The following MAF variants were observed in gnomAD, a reference collection of about 807,000 sequenced individuals.
MAF encodes MAF bZIP transcription factor.
In MAF, 10 loss-of-function variants were observed where a neutral mutation model predicts 22.0. The ratio of observed to expected loss-of-function variants is 0.45; its 90% CI spans 0.28 to 0.77. The LOEUF is 0.77. Among genes scored for constraint, MAF ranks in the 30% least tolerant of loss-of-function variants. The pLI, the probability that MAF is intolerant of heterozygous loss-of-function variation, is 0.12. For synonymous variants in MAF, 337 were observed against 255.8 expected (o/e 1.32, Z -3.03); for missense variants, 544 against 548.4 (o/e 0.99, Z 0.08).
chr16:79,342,675 G>C, the MAF span, among the ~76,000 whole-genome samples: 1 of 151,982 alleles, frequency 6.6e-6, no homozygotes, highest in South Asian at 2.1e-4. Flanking sequence ...ACAAAATTAA[G>C]ATCTGTTGAA....
the MAF span, among the ~76,000 whole-genome samples, chr16:79,228,128 C>A: frequency 6.6e-6 from 1 of 152,060 alleles, no homozygotes. Flanking sequence ...GTCTCCAACT[C>A]CTAGCCTCAA....
At chr16:79,266,034 TTTTCTTTTTCTTTTTC>T in the MAF span, among the ~76,000 whole-genome samples, 3 of 150,730 alleles carry the variant, frequency 2.0e-5, no homozygotes, top group Non-Finnish European at 4.4e-5. Context: ...TCTTCTTTTC[TTTTCTTTTTCTTTTTC>T]TTTTATTTCT....
At chr16:79,208,068 A>G in the MAF span, among the ~76,000 whole-genome samples, 1 of 152,196 alleles carries the variant, frequency 6.6e-6, no homozygotes, top group Non-Finnish European at 1.5e-5. Flanking sequence ...AATCTGACAG[A>G]TGATTTTTGA....
intron 1 of MAF, chr16:79,596,644 A>G: frequency 9.6e-7 from 1 of 1,038,216 alleles, no homozygotes; most frequent in East Asian, 5.8e-5. Context: ...AACTGACAAG[A>G]TTTTTTTATA....
chr16:79,538,230 G>A, the MAF span, among the ~76,000 whole-genome samples: 1 of 152,136 alleles, frequency 6.6e-6, no homozygotes, highest in Admixed American at 6.5e-5. Context: ...ATAAATAGAT[G>A]AATGAAGTAA....
downstream of MAF, among the ~76,000 whole-genome samples, chr16:79,592,343 A>G (rs1913238081): frequency 1.3e-5 from 2 of 152,132 alleles, no homozygotes; most frequent in African/African-American, 4.8e-5. Context: ...TACCCCCGCT[A>G]GGGAAAAAAA....
the MAF span, among the ~76,000 whole-genome samples, chr16:79,283,740 A>G: frequency 2.0e-5 from 3 of 152,162 alleles, no homozygotes; most frequent in Admixed American, 2.0e-4. Context: ...TCTGAAAATG[A>G]AAGTATCTGA....
At chr16:79,496,320 T>C in the MAF span, among the ~76,000 whole-genome samples, 1 of 152,146 alleles carries the variant, frequency 6.6e-6, no homozygotes, top group Admixed American at 6.5e-5. Context: ...GATGGTATTG[T>C]AACAAATAAA....
At chr16:79,437,226 G>C in the MAF span, among the ~76,000 whole-genome samples, 1 of 151,978 alleles carries the variant, frequency 6.6e-6, no homozygotes, top group Non-Finnish European at 1.5e-5. Flanking sequence ...CATGCTGTAA[G>C]GAAACCAAAT....
the MAF span, among the ~76,000 whole-genome samples, chr16:79,418,477 G>T: frequency 7.2e-5 from 11 of 152,216 alleles, no homozygotes; most frequent in South Asian, 2.3e-3. Flanking sequence ...TAATTAGTGC[G>T]CTGGGAGTTC....
the MAF span, among the ~76,000 whole-genome samples, chr16:79,384,695 T>A: frequency 1.3e-5 from 2 of 152,014 alleles, no homozygotes; most frequent in Admixed American, 6.5e-5. Context: ...AGGCGGAGGT[T>A]GCAGTGAGCC....
the MAF span, among the ~76,000 whole-genome samples, chr16:79,413,578 T>A: frequency 2.6e-5 from 4 of 152,202 alleles, no homozygotes; most frequent in Middle Eastern, 6.8e-3. Flanking sequence ...CTGAGCTATA[T>A]CTTTCTCTCT....
At chr16:79,270,581 A>C in the MAF span, among the ~76,000 whole-genome samples, 2 of 152,212 alleles carry the variant, frequency 1.3e-5, no homozygotes, top group East Asian at 3.9e-4. Context: ...ATCATTGCTT[A>C]GGTAGGGCTG....
the MAF span, among the ~76,000 whole-genome samples, chr16:79,546,090 T>C: frequency 6.6e-6 from 1 of 151,876 alleles, no homozygotes. Context: ...TTGGAAAAAA[T>C]AAACAAAATG....
At chr16:79,432,246 C>A in the MAF span, among the ~76,000 whole-genome samples, 4 of 152,226 alleles carry the variant, frequency 2.6e-5, no homozygotes, top group South Asian at 2.1e-4. Context: ...TGAAGAGGTA[C>A]CTTCTGCCAT....
chr16:79,347,779 T>C, the MAF span, among the ~76,000 whole-genome samples: 1 of 152,096 alleles, frequency 6.6e-6, no homozygotes, highest in East Asian at 1.9e-4. Flanking sequence ...CTAACTCCTG[T>C]CTTAGGTACC....
the MAF span, among the ~76,000 whole-genome samples, chr16:79,517,568 C>CTTTTTT: frequency 5.0e-5 from 5 of 99,778 alleles, no homozygotes; most frequent in African/African-American, 1.1e-4. Context: ...ACTGTTTAGT[C>CTTTTTT]TTTTTTTTTT....
the MAF span, among the ~76,000 whole-genome samples, chr16:79,435,036 G>C: frequency 6.6e-6 from 1 of 152,188 alleles, no homozygotes; most frequent in Admixed American, 6.5e-5. Context: ...GCAGAGTGTG[G>C]AGAAGCGAAG....
At chr16:79,355,624 A>ATACTTATACTCCCTACTGTAT in the MAF span, among the ~76,000 whole-genome samples, 2 of 152,238 alleles carry the variant, frequency 1.3e-5, no homozygotes, top group African/African-American at 4.8e-5. Flanking sequence ...ATAAGCATAC[A>ATACTTATACTCCCTACTGTAT]GTAGGGACTC....
Sources: gnomAD v4.1 joint callset for allele counts (sites outside exome capture counted in the v4.1 genomes callset) on GRCh38, gnomAD v4.1.1 for gene constraint, MANE v1.5 for transcripts, NCBI Gene and HGNC (gene_info 2026-07-23, HGNC 2026-07-21) for gene names.